ACOT1: variants seen among roughly 807,000 people sequenced by gnomAD.
ACOT1 encodes acyl-CoA thioesterase 1, also known as acyl-coenzyme A thioesterase 1.
A neutral mutation model predicts 15.7 loss-of-function variants in ACOT1; 8 were observed. That is an observed-to-expected ratio of 0.51 (90% CI 0.30 to 0.92). The LOEUF is 0.92. Among genes scored for constraint, ACOT1 ranks in the 40% least tolerant of loss-of-function variants. The pLI is 0.06. For synonymous variants in ACOT1, 67 were observed against 241.2 expected (o/e 0.28, Z 6.69); for missense variants, 151 against 539.4 (o/e 0.28, Z 7.13).
the ACOT1 span, chr14:73,498,062 G>A: frequency 9.1e-6 from 11 of 1,204,512 alleles, no homozygotes; most frequent in Admixed American, 2.4e-4. Flanking sequence ...ACTGCCATTA[G>A]GTAGCCTGGA....
chr14:73,534,053 G>A (rs1358949525), upstream of ACOT1, among the ~76,000 whole-genome samples: 2 of 112,242 alleles, frequency 1.8e-5, 1 homozygote, highest in Non-Finnish European at 3.9e-5. Context: ...TTGCACTCCA[G>A]CCTGGGTGAC....
the ACOT1 span, chr14:73,498,357 G>C: frequency 1.3e-6 from 2 of 1,576,156 alleles, no homozygotes; most frequent in Non-Finnish European, 8.7e-7. Flanking sequence ...GCAGAGATTA[G>C]AGGGCAGCAT....
At chr14:73,528,392 C>CAAAAAAAAA in the ACOT1 span, among the ~76,000 whole-genome samples, 84 of 88,476 alleles carry the variant, frequency 9.5e-4, 2 homozygotes, top group African/African-American at 1.8e-3. Context: ...AACTTCATCT[C>CAAAAAAAAA]AAAAAAAAAA....
At chr14:73,507,703 T>C in the ACOT1 span, among the ~76,000 whole-genome samples, 1 of 152,168 alleles carries the variant, frequency 6.6e-6, no homozygotes, top group African/African-American at 2.4e-5. Context: ...CCCAAAGTGC[T>C]GGGATTACAG....
the ACOT1 span, among the ~76,000 whole-genome samples, chr14:73,508,751 CAAAAAAA>C: frequency 1.4e-4 from 8 of 57,882 alleles, no homozygotes; most frequent in African/African-American, 5.2e-4. Context: ...AACTCTGTCT[CAAAAAAA>C]AAAAAAAAAA....
the ACOT1 span, among the ~76,000 whole-genome samples, chr14:73,515,634 C>T: frequency 1.1e-4 from 14 of 127,596 alleles, no homozygotes; most frequent in Admixed American, 9.8e-4. Flanking sequence ...GAGCTGAGAT[C>T]GCGCTCCAAC....
the ACOT1 span, among the ~76,000 whole-genome samples, chr14:73,495,668 T>C: frequency 6.6e-6 from 1 of 152,184 alleles, no homozygotes; most frequent in Non-Finnish European, 1.5e-5. Context: ...TCTTATGATA[T>C]TGGTTGGAGA....
chr14:73,498,891 G>C, the ACOT1 span, among the ~76,000 whole-genome samples: 4 of 152,136 alleles, frequency 2.6e-5, no homozygotes, highest in Non-Finnish European at 5.9e-5. Context: ...CTAGACTCAG[G>C]ATCTTTCACT....
chr14:73,496,126 C>T, the ACOT1 span, among the ~76,000 whole-genome samples: 1 of 151,694 alleles, frequency 6.6e-6, no homozygotes, highest in Non-Finnish European at 1.5e-5. Context: ...CGAGACTGTC[C>T]CCCCCTCAAA....
chr14:73,492,122 C>G, the ACOT1 span: 1 of 1,613,966 alleles, frequency 6.2e-7, no homozygotes, highest in Admixed American at 1.7e-5. The surrounding 1 kb of genome is among the most constrained non-coding windows in gnomAD (Gnocchi z 4.9). Context: ...AACCGAGGAA[C>G]TGGCTCTGAC....
At chr14:73,527,822 A>G in the ACOT1 span, among the ~76,000 whole-genome samples, 1 of 151,780 alleles carries the variant, frequency 6.6e-6, no homozygotes, top group South Asian at 2.1e-4. Context: ...TACTACAAAT[A>G]CAAAAAATTA....
chr14:73,540,701 G>A (rs547938290), intron 1 of ACOT1, among the ~76,000 whole-genome samples: 17 of 122,900 alleles, frequency 1.4e-4, no homozygotes, highest in African/African-American at 4.8e-4. Flanking sequence ...TATCAGCACT[G>A]AACTATGTCT....
At chr14:73,510,448 T>G in the ACOT1 span, among the ~76,000 whole-genome samples, 296 of 141,086 alleles carry the variant, frequency 2.1e-3, 1 homozygote, top group Non-Finnish European at 3.9e-3. Flanking sequence ...TTTTGTTTTT[T>G]TTTTGAGATA....
chr14:73,502,281 T>C, the ACOT1 span, among the ~76,000 whole-genome samples: 1 of 152,122 alleles, frequency 6.6e-6, no homozygotes, highest in Non-Finnish European at 1.5e-5. Context: ...CCAGCAGTTA[T>C]GGTATATGCC....
the ACOT1 span, among the ~76,000 whole-genome samples, chr14:73,506,989 C>T: frequency 6.6e-6 from 1 of 151,572 alleles, no homozygotes; most frequent in South Asian, 2.1e-4. Context: ...TTAGTAGAGG[C>T]GGGGTTTTAC....
At chr14:73,498,320 C>T in the ACOT1 span, 8 of 1,607,556 alleles carry the variant, frequency 5.0e-6, no homozygotes, top group Non-Finnish European at 6.8e-6. Context: ...CAGCTCGGGA[C>T]TTACTTGCCC....
the ACOT1 span, chr14:73,502,933 C>T: frequency 1.2e-6 from 2 of 1,613,892 alleles, no homozygotes; most frequent in Non-Finnish European, 1.7e-6. Flanking sequence ...GGCTCATTTG[C>T]CCAAGCGCCT....
chr14:73,503,940 C>G, the ACOT1 span, among the ~76,000 whole-genome samples: 1 of 152,140 alleles, frequency 6.6e-6, no homozygotes, highest in Non-Finnish European at 1.5e-5. Context: ...CTCTGCATGT[C>G]TTTTTACTTT....
the ACOT1 span, among the ~76,000 whole-genome samples, chr14:73,506,752 A>C: frequency 6.6e-6 from 1 of 151,414 alleles, no homozygotes; most frequent in South Asian, 2.1e-4. Context: ...AACAAAATAC[A>C]AATTTAATAA....
Sources: allele counts gnomAD v4.1 joint callset (sites outside exome capture counted in the v4.1 genomes callset), GRCh38; gene constraint gnomAD v4.1.1; non-coding constraint Gnocchi (gnomAD v3.1); transcripts MANE v1.5; gene names NCBI Gene and HGNC (gene_info 2026-07-23, HGNC 2026-07-21).